The following P4HA1 variants were observed in gnomAD, a reference collection of about 807,000 sequenced individuals.
The protein encoded by P4HA1 is prolyl 4-hydroxylase subunit alpha-1.
In P4HA1, 24 loss-of-function variants were observed where a neutral mutation model predicts 72.8. The ratio of observed to expected loss-of-function variants is 0.33; its 90% CI spans 0.24 to 0.46. P4HA1 has a LOEUF of 0.46. Among genes scored for constraint, P4HA1 ranks in the 20% least tolerant of loss-of-function variants. The pLI is 1.00. For missense variants in P4HA1, 446 were observed against 640.6 expected, an observed-to-expected ratio of 0.70 and a Z score of 3.28; for synonymous variants, 201 against 218.8, an observed-to-expected ratio of 0.92 and a Z score of 0.72.
intron 1 of P4HA1, among the ~76,000 whole-genome samples, chr10:73,079,539 C>T (rs1428038425): frequency 2.6e-5 from 4 of 152,084 alleles, no homozygotes; most frequent in African/African-American, 4.8e-5. Flanking sequence ...GTGAGGAGTT[C>T]GAAACCAGCC....
intron 1 of P4HA1, among the ~76,000 whole-genome samples, chr10:73,084,967 C>T (rs181589042): frequency 5.3e-4 from 80 of 152,112 alleles, no homozygotes; most frequent in African/African-American, 1.9e-3. Flanking sequence ...TGGTGAAACC[C>T]AGTCTTTACA....
At chr10:73,037,571 A>ATATTTTTT (rs1238501206) in intron 9 of P4HA1, among the ~76,000 whole-genome samples, 1 of 30,612 alleles carries the variant, frequency 3.3e-5, no homozygotes, top group African/African-American at 1.3e-4. Flanking sequence ...ATATATATAT[A>ATATTTTTT]TTTTTTTTTT....
rs1564640820 is a variant in P4HA1, at chr10:73,093,856, A to ATAAAAT, written c.-33+2909_-33+2910insATTTTA. On this transcript the variant is annotated intron_variant, in intron 1 of 14. Coordinates refer to ENST00000394890, the MANE Select transcript of P4HA1 (RefSeq NM_001017962.3). The stretch of plus-strand genomic sequence containing the variant: ...AAACTCCATCTCAAAAAAAAAAAAA[A>ATAAAAT]AAAAAAAAAAAAAAAAAATATATAT... 1.2e-3 allele frequency among the ~76,000 whole-genome samples: 73 copies of ATAAAAT among 62,318 alleles called. 1 individual carries two copies. Among genetic ancestry groups the ATAAAAT allele is most frequent in the African/African-American group, 6.8e-4 (8 of 11,830 alleles). The allele number at this position is 62,318 out of a possible 152,430, so 40.9% of individuals were successfully genotyped here. A position where few individuals can be genotyped will look rare whatever the true frequency, so the allele number is the denominator to read the frequency against.
intron 1 of P4HA1, among the ~76,000 whole-genome samples, chr10:73,078,068 CAAA>C (rs61030339): frequency 8.4e-5 from 5 of 59,442 alleles, no homozygotes; most frequent in East Asian, 5.0e-4. Context: ...GCTTATGTGT[CAAA>C]AAAAAAAAAA....
intron 9 of P4HA1, among the ~76,000 whole-genome samples, chr10:73,031,747 C>A (rs890858171): frequency 6.6e-6 from 1 of 152,078 alleles, no homozygotes; most frequent in Admixed American, 6.6e-5. Context: ...AGGCTAAAAA[C>A]CACTGAAATG....
At chr10:73,071,962 T>C in intron 4 of P4HA1, 67 bp downstream of exon 4, 3 of 1,277,744 alleles carry the variant, frequency 2.3e-6, no homozygotes, top group Non-Finnish European at 3.3e-6. Flanking sequence ...ACTGAATTTA[T>C]CATTAATTTT....
At chr10:73,011,986 A>T (rs1589569841) in intron 12 of P4HA1, among the ~76,000 whole-genome samples, 1 of 152,344 alleles carries the variant, frequency 6.6e-6, no homozygotes, top group South Asian at 2.1e-4. Flanking sequence ...ACTCTGAGGA[A>T]ATTAAAAAGT....
At chr10:73,090,334 A>G (rs1043470148) in intron 1 of P4HA1, among the ~76,000 whole-genome samples, 4 of 150,304 alleles carry the variant, frequency 2.7e-5, no homozygotes, top group Non-Finnish European at 5.9e-5. Flanking sequence ...AAGTCTTTCT[A>G]TGTCGCCCAG....
intron 1 of P4HA1, among the ~76,000 whole-genome samples, chr10:73,091,060 CAAAAAAAA>C (rs202009101): frequency 6.1e-5 from 3 of 49,294 alleles, no homozygotes; most frequent in Non-Finnish European, 1.1e-4. Flanking sequence ...GAGTCCATCT[CAAAAAAAA>C]AAAAAAAAAA....
chr10:73,075,814 GCC>G (rs1841685634), intron 1 of P4HA1, among the ~76,000 whole-genome samples: 1 of 151,628 alleles, frequency 6.6e-6, no homozygotes, highest in South Asian at 2.1e-4. Context: ...CAGGTGATCC[GCC>G]CACCTCATCC....
chr10:73,059,406 ATAATGAGACAATATATTT>A (rs1841246562), intron 5 of P4HA1, among the ~76,000 whole-genome samples: 1 of 144,744 alleles, frequency 6.9e-6, no homozygotes, highest in African/African-American at 2.6e-5. Flanking sequence ...CCCGGGCAAA[ATAATGAGACAATATATTT>A]AAAAAAAAAA....
chr10:73,073,160 ACT>A (rs1457848983), intron 3 of P4HA1, among the ~76,000 whole-genome samples: 1 of 118,278 alleles, frequency 8.5e-6, no homozygotes, highest in African/African-American at 3.5e-5. Context: ...ACAGAGCAAG[ACT>A]CTGTCACAAA....
chr10:73,007,871 G>A lies in P4HA1; in HGVS notation c.*351C>T, dbSNP rs149479342. On this transcript the variant is annotated 3_prime_UTR_variant, in exon 15 of 15. Transcript: ENST00000394890. ...GTTTCCTATCACACAGCCCATTCTAGCTTAACACCCACCAACTGAGATGTA... is the reference window on the plus strand; with the variant it reads ...GTTTCCTATCACACAGCCCATTCTAACTTAACACCCACCAACTGAGATGTA... The A allele has an allele frequency of 1.4e-3, 268 of 187,888 alleles. No homozygotes were observed. Among genetic ancestry groups the A allele is most frequent in the African/African-American group, 5.6e-3 (240 of 42,922 alleles). The allele number at this position is 187,888 out of a possible 1,614,324, so 11.6% of individuals were successfully genotyped here.
chr10:73,093,897 T>TAC (rs1842104919), intron 1 of P4HA1, among the ~76,000 whole-genome samples: 3 of 76,484 alleles, frequency 3.9e-5, no homozygotes, highest in Non-Finnish European at 6.7e-5. Context: ...TATATATATA[T>TAC]ATATATATAT....
intron 9 of P4HA1, among the ~76,000 whole-genome samples, chr10:73,039,399 T>C (rs1023339647): frequency 6.6e-6 from 1 of 151,882 alleles, no homozygotes; most frequent in Non-Finnish European, 1.5e-5. Context: ...CTCTGCCTCC[T>C]GGGTTCCTGC....
At chr10:73,087,268 A>ATTT (rs370759559) in intron 1 of P4HA1, among the ~76,000 whole-genome samples, 17 of 130,750 alleles carry the variant, frequency 1.3e-4, no homozygotes, top group Non-Finnish European at 2.3e-4. Flanking sequence ...TAATGCCTTT[A>ATTT]TTTTTTTTTT....
chr10:73,038,693 C>T (rs1366741668), intron 9 of P4HA1, among the ~76,000 whole-genome samples: 1 of 93,724 alleles, frequency 1.1e-5, no homozygotes, highest in Non-Finnish European at 1.8e-5. Context: ...GTGGCGGGAT[C>T]TCGGCTCACT....
chr10:73,086,912 T>C (rs12766755), intron 1 of P4HA1, among the ~76,000 whole-genome samples: 21,972 of 112,616 alleles, frequency 0.2, 2,816 homozygotes, highest in African/African-American at 0.39. Context: ...CCAGCCTGGG[T>C]AAAAGAGTGA....
chr10:73,067,694 A>G (rs940203347), intron 5 of P4HA1, among the ~76,000 whole-genome samples: 4 of 151,448 alleles, frequency 2.6e-5, no homozygotes, highest in Non-Finnish European at 5.9e-5. Context: ...CCTCTCCCCC[A>G]TTTTTCTGGC....
Sources: allele counts gnomAD v4.1 joint callset (sites outside exome capture counted in the v4.1 genomes callset), GRCh38; gene constraint gnomAD v4.1.1; transcripts MANE v1.5; gene names NCBI Gene and HGNC (gene_info 2026-07-23, HGNC 2026-07-21).